DGKB: variants seen among roughly 807,000 people sequenced by gnomAD.
DGKB encodes 90 kDa diacylglycerol kinase.
DGKB carries 67 observed loss-of-function variants against 114.3 expected under a neutral mutation model. That is an observed-to-expected ratio of 0.59 (90% confidence interval 0.48 to 0.72). The LOEUF (loss-of-function observed/expected upper bound fraction) is 0.72, where lower values mean the gene tolerates loss of function less well. DGKB is among the 30% of genes least tolerant of loss of function. The pLI, the probability that DGKB is intolerant of heterozygous loss-of-function variation, is 0.00. For synonymous variants in DGKB, 398 were observed against 323.1 expected (o/e 1.23, Z -2.49); for missense variants, 907 against 975.2 (o/e 0.93, Z 0.93).
intron 20 of DGKB, among the ~76,000 whole-genome samples, chr7:14,568,161 C>A (rs1431886193): frequency 6.6e-6 from 1 of 152,088 alleles, no homozygotes; most frequent in Non-Finnish European, 1.5e-5. Context: ...ATACAGACTT[C>A]TATCATTTTC....
intron 20 of DGKB, among the ~76,000 whole-genome samples, chr7:14,571,879 A>G (rs903587630): frequency 6.6e-6 from 1 of 152,206 alleles, no homozygotes; most frequent in Non-Finnish European, 1.5e-5. Context: ...CATAAGAAAG[A>G]AAGGCTCCAC....
In DGKB at chr7:14,790,971, A is replaced by G; in HGVS notation, c.71-33240T>C. On this transcript the variant is annotated intron_variant, in intron 2 of 25. Coordinates refer to ENST00000402815, the MANE Select transcript of DGKB (RefSeq NM_001350709.2). Reference sequence around the variant, plus strand: ...TTGATCAATTTATTTAGATTTTATTATATTTCCTTCATCAGATTTTTAAAA... The same window carrying G: ...TTGATCAATTTATTTAGATTTTATTGTATTTCCTTCATCAGATTTTTAAAA... Among the ~76,000 whole-genome samples, 5 of 152,190 alleles carry G rather than the reference A, an allele frequency of 3.3e-5. No individual in the cohort carries two copies. In the Middle Eastern group the frequency reaches 0.014, roughly 414 times the overall value.
intron 21 of DGKB, among the ~76,000 whole-genome samples, chr7:14,396,596 T>C (rs1822254498): frequency 3.3e-5 from 5 of 152,148 alleles, no homozygotes; most frequent in Admixed American, 3.3e-4. Flanking sequence ...GATGGGCTTC[T>C]TCAAAAAGCA....
intron 2 of DGKB, among the ~76,000 whole-genome samples, chr7:14,781,647 A>T (rs916249755): frequency 6.6e-6 from 1 of 152,156 alleles, no homozygotes; most frequent in African/African-American, 2.4e-5. Flanking sequence ...CTTGTTCTTA[A>T]TCAGGAAATT....
chr7:14,804,732 T>A (rs1035033521), intron 2 of DGKB, among the ~76,000 whole-genome samples: 1 of 152,110 alleles, frequency 6.6e-6, no homozygotes, highest in East Asian at 1.9e-4. Flanking sequence ...TTTTGGGGAA[T>A]AATCCTCTAC....
intron 21 of DGKB, among the ~76,000 whole-genome samples, chr7:14,355,552 T>C (rs1301861561): frequency 6.6e-6 from 1 of 152,214 alleles, no homozygotes; most frequent in Non-Finnish European, 1.5e-5. Flanking sequence ...GTTTTTGTCG[T>C]TGGTTCTGTT....
chr7:14,934,050 G>T (rs1433074149), intron 1 of DGKB, among the ~76,000 whole-genome samples: 1 of 152,220 alleles, frequency 6.6e-6, no homozygotes, highest in African/African-American at 2.4e-5. Flanking sequence ...CTATGGGCCT[G>T]AATACCCTTT....
chr7:14,877,278 G>C (rs780056699), intron 1 of DGKB, among the ~76,000 whole-genome samples: 1 of 152,090 alleles, frequency 6.6e-6, no homozygotes, highest in Non-Finnish European at 1.5e-5. Context: ...TTTTATGGCC[G>C]GGTGTGGTGG....
chr7:14,834,968 C>A (rs1846952211), intron 2 of DGKB, among the ~76,000 whole-genome samples: 1 of 152,022 alleles, frequency 6.6e-6, no homozygotes, highest in Non-Finnish European at 1.5e-5. Context: ...GACATATGGA[C>A]ACAGAGAAGC....
chr7:14,750,952 C>T (rs1391599249), intron 4 of DGKB, among the ~76,000 whole-genome samples: 2 of 151,670 alleles, frequency 1.3e-5, no homozygotes, highest in Non-Finnish European at 2.9e-5. Flanking sequence ...TACAGGCGCT[C>T]ACTCCCTCAC....
Position 14,155,409 on chromosome 7 carries a change from T to A in DGKB, c.2305-6171A>T, listed in dbSNP as rs570075707. 2.0e-5 allele frequency among the ~76,000 whole-genome samples: 3 copies of A among 152,104 alleles called. No individual in the cohort carries two copies. In the South Asian group the frequency reaches 6.2e-4, roughly 31 times the overall value. On this transcript the variant is annotated intron_variant, in intron 25 of 25. Transcript: ENST00000402815. ...ATGTGATGGTAGGTTGTAATATGCT[T>A]TGAGCTAGGGATATTTTCAGGGTAC... is the stretch of plus-strand genomic sequence containing the variant.
At chr7:14,420,328 T>C (rs1029392884) in intron 21 of DGKB, among the ~76,000 whole-genome samples, 1 of 152,006 alleles carries the variant, frequency 6.6e-6, no homozygotes, top group Non-Finnish European at 1.5e-5. Flanking sequence ...GAAGTTCTCT[T>C]GTCTCATTGA....
At chr7:14,748,551 T>C (rs1723246) in intron 4 of DGKB, among the ~76,000 whole-genome samples, 54,168 of 151,852 alleles carry the variant, frequency 0.36, 13,356 homozygotes, top group African/African-American at 0.69. Context: ...GAGCAGGAAA[T>C]TGGAGCAGGA....
At chr7:14,272,193 T>A (rs964563085) in intron 23 of DGKB, among the ~76,000 whole-genome samples, 1 of 152,182 alleles carries the variant, frequency 6.6e-6, no homozygotes, top group Non-Finnish European at 1.5e-5. Flanking sequence ...AAGATGACAG[T>A]GTATTTATTT....
intron 23 of DGKB, among the ~76,000 whole-genome samples, chr7:14,310,226 G>A (rs1585055806): frequency 6.6e-6 from 1 of 152,164 alleles, no homozygotes; most frequent in South Asian, 2.1e-4. Flanking sequence ...GTGTGTTGTG[G>A]AGAAGGACAT....
At chr7:14,441,661 A>G (rs1182912281) in intron 21 of DGKB, among the ~76,000 whole-genome samples, 1 of 152,122 alleles carries the variant, frequency 6.6e-6, no homozygotes, top group Non-Finnish European at 1.5e-5. Flanking sequence ...ATTTACAGAA[A>G]TAATAATTGT....
At chr7:14,204,120 T>G (rs867592719) in intron 23 of DGKB, among the ~76,000 whole-genome samples, 3 of 152,024 alleles carry the variant, frequency 2.0e-5, no homozygotes, top group South Asian at 2.1e-4. Context: ...ATTGGTATAA[T>G]TTTACTTAAA....
At chr7:14,681,087 G>C (rs1003074076) in intron 12 of DGKB, among the ~76,000 whole-genome samples, 1 of 149,326 alleles carries the variant, frequency 6.7e-6, no homozygotes, top group Non-Finnish European at 1.5e-5. Flanking sequence ...AAACAAAAAT[G>C]ACATATGTTT....
chr7:14,650,860 T>C (rs1814302344), intron 13 of DGKB, among the ~76,000 whole-genome samples: 1 of 151,340 alleles, frequency 6.6e-6, no homozygotes, highest in South Asian at 2.1e-4. Context: ...CAGAGAATAA[T>C]ACAAACACCT....
Sources: allele counts gnomAD v4.1 joint callset (sites outside exome capture counted in the v4.1 genomes callset), GRCh38; gene constraint gnomAD v4.1.1; transcripts MANE v1.5; gene names NCBI Gene and HGNC (gene_info 2026-07-23, HGNC 2026-07-21).